ELAPOR1: variants seen among roughly 807,000 people sequenced by gnomAD.
The protein encoded by ELAPOR1 is endosome-lysosome associated apoptosis and autophagy regulator 1, also known as endosome/lysosome-associated apoptosis and autophagy regulator 1.
A neutral mutation model predicts 119.7 loss-of-function variants in ELAPOR1; 77 were observed. The observed-to-expected ratio is 0.64, with a 90% CI of 0.54 to 0.78. ELAPOR1 has a LOEUF of 0.78. Ranked by LOEUF, ELAPOR1 falls within the 30% of genes least tolerant of loss-of-function variation. The pLI, the probability that ELAPOR1 is intolerant of heterozygous loss-of-function variation, is 0.00. For missense variants in ELAPOR1, 1,115 were observed against 1,270.4 expected (o/e 0.88, Z 1.86); for synonymous variants, 481 against 487.2 (o/e 0.99, Z 0.17).
chr1:109,123,317 A>G (rs1376293428), intron 1 of ELAPOR1, among the ~76,000 whole-genome samples: 1 of 152,252 alleles, frequency 6.6e-6, no homozygotes, highest in East Asian at 1.9e-4. Flanking sequence ...AAATGTGGCT[A>G]ATTACTAGGA....
intron 1 of ELAPOR1, among the ~76,000 whole-genome samples, chr1:109,147,654 A>C (rs1235728023): frequency 6.6e-6 from 1 of 151,910 alleles, no homozygotes; most frequent in African/African-American, 2.4e-5. Context: ...AATTGTAACG[A>C]ATGTACCACT....
At chr1:109,124,589 G>T (rs1253114102) in intron 1 of ELAPOR1, among the ~76,000 whole-genome samples, 1 of 152,092 alleles carries the variant, frequency 6.6e-6, no homozygotes, top group Non-Finnish European at 1.5e-5. Flanking sequence ...TAGAAATGAG[G>T]ATTCTTTGAC....
chr1:109,163,365 A>C (rs967315959), intron 2 of ELAPOR1, among the ~76,000 whole-genome samples: 3 of 152,174 alleles, frequency 2.0e-5, no homozygotes, highest in African/African-American at 7.2e-5. Context: ...TTTATTTTTA[A>C]AATAAGGAGA....
intron 7 of ELAPOR1, among the ~76,000 whole-genome samples, chr1:109,174,943 C>T (rs1367316898): frequency 2.0e-5 from 3 of 152,044 alleles, no homozygotes; most frequent in African/African-American, 7.2e-5. Context: ...TCTCGATCTC[C>T]TGACCTCGTG....
rs1259085520 is a variant in ELAPOR1, at chr1:109,191,713, G to C, written c.1546-13G>C. ...GCCATCGCACCCGCTTCACTTGTCT[G>C]TCCTGGGTTCAGGGTGTGAATTCTA... On this transcript the variant is annotated splice_polypyrimidine_tract_variant and intron_variant, in intron 12 of 21. Coordinates refer to ENST00000369939, the MANE Select transcript of ELAPOR1 (RefSeq NM_020775.5). The C allele has an allele frequency of 3.7e-6, 6 of 1,614,088 alleles. No individual in the cohort carries two copies. The highest frequency in any genetic ancestry group is 1.1e-5 in the South Asian group (1 of 91,082).
At chr1:109,196,857 G>T (rs1653830859) in intron 15 of ELAPOR1, among the ~76,000 whole-genome samples, 1 of 152,064 alleles carries the variant, frequency 6.6e-6, no homozygotes, top group Non-Finnish European at 1.5e-5. Flanking sequence ...TAATTTTTGT[G>T]TTTTTAGTAA....
intron 7 of ELAPOR1, 136 bp downstream of exon 7, chr1:109,173,973 G>T: frequency 1.1e-6 from 1 of 939,264 alleles, no homozygotes; most frequent in Non-Finnish European, 1.6e-6. Context: ...TCTGGATCCT[G>T]GAATACCCTT....
chr1:109,116,952 G>C (rs1219669759), intron 1 of ELAPOR1, among the ~76,000 whole-genome samples: 1 of 152,158 alleles, frequency 6.6e-6, no homozygotes, highest in Admixed American at 6.5e-5. Flanking sequence ...TGGCCTCCCA[G>C]AGTGCTGGGA....
intron 1 of ELAPOR1, among the ~76,000 whole-genome samples, chr1:109,159,608 CAG>C (rs1287131843): frequency 6.6e-6 from 1 of 152,158 alleles, no homozygotes; most frequent in Non-Finnish European, 1.5e-5. Flanking sequence ...TGTGTTTGGT[CAG>C]AGTCTATAAG....
intron 1 of ELAPOR1, among the ~76,000 whole-genome samples, chr1:109,145,653 GTC>G (rs1250953843): frequency 2.0e-5 from 3 of 152,018 alleles, no homozygotes; most frequent in Non-Finnish European, 4.4e-5. Context: ...AAGAGACTCT[GTC>G]TCAAAAAAAA....
At chr1:109,186,311 G>T (rs1653041621) in intron 8 of ELAPOR1, among the ~76,000 whole-genome samples, 1 of 152,128 alleles carries the variant, frequency 6.6e-6, no homozygotes, top group East Asian at 1.9e-4. Context: ...CACGGAGAAG[G>T]ATCTGGCTGA....
At position 109,206,499 on chromosome 1, in the gene ELAPOR1, A is replaced by C. The variant is rs1654503280; in HGVS notation, c.*3487A>C. 1 of 152,218 alleles carries C rather than the reference A, an allele frequency of 6.6e-6. No individual in the cohort carries two copies. 9.4% of individuals were successfully genotyped at this position (152,218 alleles called of 1,614,324 possible). On this transcript the variant is annotated 3_prime_UTR_variant, in exon 22 of 22. Transcript: ENST00000369939. Reference sequence around the variant, plus strand: ...TCATCTGTATTTGGCTGGGAATACAAATGAAGATTGTGGTGTATTCAAGCA... The same window carrying C: ...TCATCTGTATTTGGCTGGGAATACACATGAAGATTGTGGTGTATTCAAGCA...
chr1:109,199,133 A>C (rs1287895421), intron 18 of ELAPOR1, among the ~76,000 whole-genome samples: 1 of 152,196 alleles, frequency 6.6e-6, no homozygotes, highest in Non-Finnish European at 1.5e-5. Context: ...GGATTAGTAA[A>C]GGTTTAGGGA....
chr1:109,169,431 G>A (rs1651793930), intron 3 of ELAPOR1, among the ~76,000 whole-genome samples: 1 of 151,548 alleles, frequency 6.6e-6, no homozygotes, highest in Non-Finnish European at 1.5e-5. Context: ...GTAGAGATGG[G>A]GTTTCACCAT....
intron 3 of ELAPOR1, among the ~76,000 whole-genome samples, chr1:109,169,645 T>C (rs941173179): frequency 1.3e-5 from 2 of 152,188 alleles, no homozygotes; most frequent in Non-Finnish European, 2.9e-5. Context: ...CACATTCAAC[T>C]CTTTAACCCT....
At chr1:109,164,776 C>T (rs1034689439) in intron 3 of ELAPOR1, 85 bp downstream of exon 3, 48 of 1,329,132 alleles carry the variant, frequency 3.6e-5, no homozygotes, top group Non-Finnish European at 4.4e-5. Context: ...TCCGCTGCCC[C>T]TCAGGCTGGG....
intron 1 of ELAPOR1, among the ~76,000 whole-genome samples, chr1:109,153,046 G>A (rs1308071288): frequency 6.6e-6 from 1 of 151,924 alleles, no homozygotes. Flanking sequence ...AGATGTAGTG[G>A]GGTAGAGATA....
chr1:109,191,631 TCACC>T, intron 12 of ELAPOR1, 91 bp from the exon 13 acceptor site: 1 of 1,533,190 alleles, frequency 6.5e-7, no homozygotes, highest in South Asian at 1.2e-5. Flanking sequence ...AACAAGGGTC[TCACC>T]AACCGTGATG....
At chr1:109,196,928 G>A (rs1653836342) in intron 15 of ELAPOR1, among the ~76,000 whole-genome samples, 2 of 152,152 alleles carry the variant, frequency 1.3e-5, no homozygotes, top group African/African-American at 4.8e-5. Context: ...TGATCCACCT[G>A]CCTCGGCCTT....
Sources: gnomAD v4.1 joint callset for allele counts (sites outside exome capture counted in the v4.1 genomes callset) on GRCh38, gnomAD v4.1.1 for gene constraint, MANE v1.5 for transcripts, NCBI Gene and HGNC (gene_info 2026-07-23, HGNC 2026-07-21) for gene names.